The following PRKDC variants were observed in gnomAD, a reference collection of about 807,000 sequenced individuals.
PRKDC encodes the protein protein kinase, DNA-activated, catalytic subunit.
A neutral mutation model predicts 486.9 loss-of-function variants in PRKDC; 82 were observed. That is an observed-to-expected ratio of 0.17 (90% confidence interval 0.14 to 0.20). The LOEUF is 0.20. Among genes scored for constraint, PRKDC ranks in the 10% least tolerant of loss-of-function variants. The pLI is 1.00. For missense variants in PRKDC, 4,504 were observed against 5,038.2 expected (o/e 0.89, Z 3.21); for synonymous variants, 1,895 against 1,837.0 (o/e 1.03, Z -0.81).
intron 68 of PRKDC, among the ~76,000 whole-genome samples, chr8:47,807,718 T>A (rs1320260359): frequency 2.6e-5 from 4 of 151,282 alleles, no homozygotes; most frequent in Admixed American, 2.6e-4. Context: ...GCACCCGGCC[T>A]ACTTATTTTT....
In PRKDC at chr8:47,774,184, G is replaced by A. The variant is rs1327870085; in HGVS notation, c.12376C>T (p.Pro4126Ser). The A allele has an allele frequency of 2.5e-6, 4 of 1,576,264 alleles. No individual in the cohort carries two copies. The highest frequency in any genetic ancestry group is 3.4e-6 in the Non-Finnish European group (4 of 1,160,286). ...GACTCCCACAGACCTCACATCCAGG[G>A]CTCCCATCCTTCCCAGGTTCTGCCA... ...ILGRTWEGWE[P>S]WM The change falls in exon 86 of 86, where the codon CCC becomes TCC. Residue 4126 changes from proline to serine, a missense_variant. Pro to Ser is a moderately conservative substitution (Grantham distance 74). Transcript: ENST00000314191.
intron 76 of PRKDC, 55 bp from the exon 77 acceptor site, chr8:47,785,372 A>G: frequency 7.5e-7 from 1 of 1,338,716 alleles, no homozygotes; most frequent in Admixed American, 2.1e-5. Flanking sequence ...GACTTTGGAA[A>G]AGGCTCTAAG....
Position 47,859,598 on chromosome 8 carries a change from G to A in PRKDC, c.6207+13C>T. On this transcript the variant is annotated intron_variant, in intron 46 of 85. Coordinates refer to ENST00000314191, the MANE Select transcript of PRKDC (RefSeq NM_006904.7). ...CATCGACAATATTCTTTTAGTATGTGAAATGTGATCACCCGTCTCCGAAAA... is the reference window on the plus strand; with the variant it reads ...CATCGACAATATTCTTTTAGTATGTAAAATGTGATCACCCGTCTCCGAAAA... The A allele has an allele frequency of 6.2e-7, 1 of 1,610,368 alleles. No homozygotes were observed. Among genetic ancestry groups the A allele is most frequent in the Non-Finnish European group, 8.5e-7 (1 of 1,177,678 alleles).
chr8:47,932,722 A>G (rs2090278101), intron 16 of PRKDC, among the ~76,000 whole-genome samples: 1 of 152,218 alleles, frequency 6.6e-6, no homozygotes, highest in Non-Finnish European at 1.5e-5. Context: ...TCTACATAAA[A>G]TAAGATTTCT....
intron 68 of PRKDC, among the ~76,000 whole-genome samples, chr8:47,810,441 A>T (rs1423846522): frequency 6.6e-6 from 1 of 152,278 alleles, no homozygotes; most frequent in Non-Finnish European, 1.5e-5. Flanking sequence ...AACAGTATAC[A>T]TAAGGTTTGG....
chr8:47,904,500 T>C (rs981238457), intron 26 of PRKDC, among the ~76,000 whole-genome samples: 4 of 152,238 alleles, frequency 2.6e-5, no homozygotes, highest in African/African-American at 9.6e-5. Context: ...GCAATCTGCA[T>C]GCCTCGGCCT....
intron 29 of PRKDC, 57 bp downstream of exon 29, chr8:47,898,413 G>C (rs1030556566): frequency 3.0e-6 from 4 of 1,344,926 alleles, no homozygotes; most frequent in African/African-American, 2.9e-5. Context: ...TCCTTCATTA[G>C]CTGTGAATTA....
intron 54 of PRKDC, among the ~76,000 whole-genome samples, chr8:47,844,349 A>G (rs916820282): frequency 6.6e-6 from 1 of 152,262 alleles, no homozygotes; most frequent in Non-Finnish European, 1.5e-5. Context: ...AGACTTAACT[A>G]TACTACATAT....
At chr8:47,949,688 G>A (rs1053103929) in intron 7 of PRKDC, among the ~76,000 whole-genome samples, 1 of 152,100 alleles carries the variant, frequency 6.6e-6, no homozygotes, top group Non-Finnish European at 1.5e-5. Flanking sequence ...TCACCTCAGG[G>A]GAATCATAAA....
chr8:47,814,532 AG>A (rs1399994387), intron 68 of PRKDC, among the ~76,000 whole-genome samples: 2 of 152,222 alleles, frequency 1.3e-5, no homozygotes. Context: ...CAATTACATT[AG>A]CAGCAAATAA....
Position 47,902,476 on chromosome 8 carries a change from T to C in PRKDC, c.3269+93A>G, listed in dbSNP as rs2089704626. On this transcript the variant is annotated intron_variant, in intron 27 of 85. Coordinates refer to ENST00000314191, the MANE Select transcript of PRKDC (RefSeq NM_006904.7). ...ATCCAGCACATAATTACTTACTAAATGCAGGAAATATGACACACGGATACA... is the reference window on the plus strand; with the variant it reads ...ATCCAGCACATAATTACTTACTAAACGCAGGAAATATGACACACGGATACA... The C allele has an allele frequency of 5.9e-6, 5 of 852,422 alleles. No individual in the cohort carries two copies. The South Asian group carries it at 1.8e-4, about 30-fold the overall frequency. The allele number at this position is 852,422 out of a possible 1,614,324, so 52.8% of individuals were successfully genotyped here.
intron 31 of PRKDC, 70 bp downstream of exon 31, chr8:47,893,069 C>T: frequency 6.9e-7 from 1 of 1,454,410 alleles, no homozygotes; most frequent in African/African-American, 1.4e-5. Context: ...GGATTCTGAC[C>T]TGGCAGAGCC....
chr8:47,883,015 G>A (rs995792524), intron 36 of PRKDC, among the ~76,000 whole-genome samples: 1 of 152,178 alleles, frequency 6.6e-6, no homozygotes, highest in Non-Finnish European at 1.5e-5. Context: ...GGCCATCCAC[G>A]CCTCTGTGCG....
chr8:47,837,613 C>CA (rs966940703), intron 56 of PRKDC, among the ~76,000 whole-genome samples, 194 bp from the exon 57 acceptor site: 3 of 151,506 alleles, frequency 2.0e-5, no homozygotes. Context: ...GAGAATATTA[C>CA]AAAAAATGTA....
At chr8:47,778,921 G>A in intron 81 of PRKDC, 83 bp downstream of exon 81, 4 of 1,438,554 alleles carry the variant, frequency 2.8e-6, no homozygotes, top group Non-Finnish European at 3.8e-6. Flanking sequence ...TCTCTCTGAG[G>A]CAAAGCTAAG....
At chr8:47,957,117 A>G in intron 3 of PRKDC, 54 bp downstream of exon 3, 1 of 1,213,974 alleles carries the variant, frequency 8.2e-7, no homozygotes, top group Non-Finnish European at 1.2e-6. Context: ...TCACACCATA[A>G]GTTAAAACAG....
At chr8:47,822,134 A>C (rs779324299) in intron 64 of PRKDC, among the ~76,000 whole-genome samples, 2 of 152,124 alleles carry the variant, frequency 1.3e-5, no homozygotes, top group African/African-American at 2.4e-5. Flanking sequence ...CTCTACAAAA[A>C]ACACAAAAAC....
intron 11 of PRKDC, among the ~76,000 whole-genome samples, 168 bp downstream of exon 11, chr8:47,939,383 G>A (rs1563813952): frequency 6.6e-6 from 1 of 152,162 alleles, no homozygotes; most frequent in Non-Finnish European, 1.5e-5. Flanking sequence ...GATCCGTATG[G>A]TAGAAAAACA....
At chr8:47,913,402 ATTTT>A (rs966026284) in intron 24 of PRKDC, among the ~76,000 whole-genome samples, 2 of 147,516 alleles carry the variant, frequency 1.4e-5, no homozygotes, top group South Asian at 2.1e-4. Context: ...TTGAAAGGCA[ATTTT>A]TTTTTTTTGA....
Sources: allele counts gnomAD v4.1 joint callset (sites outside exome capture counted in the v4.1 genomes callset), GRCh38; gene constraint gnomAD v4.1.1; transcripts MANE v1.5; gene names NCBI Gene and HGNC (gene_info 2026-07-23, HGNC 2026-07-21).